The following CSMD1 variants were observed in gnomAD, a reference collection of about 807,000 sequenced individuals.
CSMD1 encodes CUB and sushi domain-containing protein 1.
Under a neutral mutation model 417.5 loss-of-function variants are expected in CSMD1, and 213 were observed. The observed-to-expected ratio is 0.51, with a 90% CI of 0.46 to 0.57. The LOEUF (loss-of-function observed/expected upper bound fraction) is 0.57, where lower values mean the gene tolerates loss of function less well. Among genes scored for constraint, CSMD1 ranks in the 20% least tolerant of loss-of-function variants. The probability of loss-of-function intolerance (pLI) is 0.00; values close to 1 mark genes in which losing one functional copy is unlikely to be tolerated. For synonymous variants in CSMD1, 2,862 were observed against 1,736.8 expected (o/e 1.65, Z -16.11); for missense variants, 6,923 against 4,529.7 (o/e 1.53, Z -15.17).
intron 1 of CSMD1, among the ~76,000 whole-genome samples, chr8:4,936,254 G>C (rs759767791): frequency 6.6e-6 from 1 of 152,166 alleles, no homozygotes; most frequent in Non-Finnish European, 1.5e-5. Context: ...TATATCATCA[G>C]ATAACAGATG....
At chr8:4,674,109 T>C (rs1371878857) in intron 1 of CSMD1, among the ~76,000 whole-genome samples, 2 of 152,154 alleles carry the variant, frequency 1.3e-5, no homozygotes, top group East Asian at 1.9e-4. Context: ...ATAAACCAGA[T>C]TCAAACATTG....
chr8:3,194,410 A>G (rs1311581462), intron 33 of CSMD1, among the ~76,000 whole-genome samples: 1 of 51,858 alleles, frequency 1.9e-5, no homozygotes, highest in African/African-American at 8.2e-5. Flanking sequence ...CTGATTAACT[A>G]TTTTATTTTA....
chr8:3,353,560 C>A (rs1476793385), intron 21 of CSMD1, among the ~76,000 whole-genome samples: 1 of 152,150 alleles, frequency 6.6e-6, no homozygotes, highest in African/African-American at 2.4e-5. Context: ...GGGGCAGTAT[C>A]CCGTAGGACG....
intron 3 of CSMD1, among the ~76,000 whole-genome samples, chr8:4,393,085 C>G (rs191793672): frequency 6.6e-6 from 1 of 152,248 alleles, no homozygotes. Flanking sequence ...AAGCGATTCT[C>G]GTGCCTCAAT....
intron 3 of CSMD1, among the ~76,000 whole-genome samples, chr8:4,199,780 T>C (rs963102659): frequency 2.6e-5 from 4 of 152,152 alleles, no homozygotes; most frequent in South Asian, 2.1e-4. Context: ...AAGGATAACA[T>C]GCTGTTTAGA....
intron 5 of CSMD1, among the ~76,000 whole-genome samples, chr8:3,884,873 T>G (rs1394165122): frequency 6.6e-6 from 1 of 150,820 alleles, no homozygotes; most frequent in Non-Finnish European, 1.5e-5. Context: ...AGAATTTTGC[T>G]ACCATAAAAA....
At chr8:4,040,469 G>C (rs929474608) in intron 3 of CSMD1, among the ~76,000 whole-genome samples, 8 of 152,176 alleles carry the variant, frequency 5.3e-5, no homozygotes, top group Non-Finnish European at 7.3e-5. Context: ...GATGGATTCA[G>C]AATCTCTACT....
intron 5 of CSMD1, among the ~76,000 whole-genome samples, chr8:3,987,298 C>A (rs375471002): frequency 6.6e-6 from 1 of 152,178 alleles, no homozygotes; most frequent in African/African-American, 2.4e-5. Flanking sequence ...TCTGTGATGA[C>A]CTCACTGAGC....
chr8:3,677,060 C>T (rs1009276614), intron 7 of CSMD1, among the ~76,000 whole-genome samples: 1 of 151,908 alleles, frequency 6.6e-6, no homozygotes, highest in African/African-American at 2.4e-5. Flanking sequence ...GCATACGGGG[C>T]TTAAAAACTA....
At chr8:3,221,969 C>T (rs73183597) in intron 28 of CSMD1, among the ~76,000 whole-genome samples, 1 of 152,014 alleles carries the variant, frequency 6.6e-6, no homozygotes, top group Non-Finnish European at 1.5e-5. Context: ...CTCATCAGCG[C>T]CAGCCTCCTG....
At chr8:4,439,325 A>T (rs1210319650) in intron 2 of CSMD1, among the ~76,000 whole-genome samples, 2 of 152,166 alleles carry the variant, frequency 1.3e-5, no homozygotes, top group African/African-American at 2.4e-5. Flanking sequence ...TCAATACGTT[A>T]AATATAATTA....
chr8:4,185,413 A>C (rs1476588159), intron 3 of CSMD1, among the ~76,000 whole-genome samples: 1 of 152,136 alleles, frequency 6.6e-6, no homozygotes, highest in Non-Finnish European at 1.5e-5. Flanking sequence ...CTAAGCAATA[A>C]ACATACACGT....
chr8:4,711,660 G>A (rs557088150), intron 1 of CSMD1, among the ~76,000 whole-genome samples: 1 of 58,390 alleles, frequency 1.7e-5, no homozygotes, highest in Non-Finnish European at 2.9e-5. Flanking sequence ...CTTCTTTACT[G>A]TAGGTAAATT....
At chr8:3,319,740 G>C (rs939152968) in intron 23 of CSMD1, among the ~76,000 whole-genome samples, 5 of 151,984 alleles carry the variant, frequency 3.3e-5, no homozygotes, top group African/African-American at 1.2e-4. Flanking sequence ...AAAAGTGTCA[G>C]AAGAACATTA....
chr8:4,624,678 A>C (rs2061749), intron 2 of CSMD1, among the ~76,000 whole-genome samples: 1 of 151,972 alleles, frequency 6.6e-6, no homozygotes, highest in African/African-American at 2.4e-5. Context: ...TTTACACGGG[A>C]TATAATTCTC....
intron 5 of CSMD1, among the ~76,000 whole-genome samples, chr8:3,907,544 G>C (rs1808191642): frequency 6.6e-6 from 1 of 152,122 alleles, no homozygotes; most frequent in African/African-American, 2.4e-5. Flanking sequence ...TTATTTTTAA[G>C]GAATGGCCCA....
chr8:4,204,890 T>A (rs1023508633), intron 3 of CSMD1, among the ~76,000 whole-genome samples: 3 of 152,230 alleles, frequency 2.0e-5, no homozygotes, highest in Admixed American at 6.5e-5. Flanking sequence ...TGAACTCCTG[T>A]CCTCAAAGAT....
chr8:3,992,279 T>A (rs1434594216), intron 5 of CSMD1, among the ~76,000 whole-genome samples: 1 of 152,272 alleles, frequency 6.6e-6, no homozygotes, highest in African/African-American at 2.4e-5. Flanking sequence ...CCAGCATAAC[T>A]TGACCCTTTT....
intron 1 of CSMD1, among the ~76,000 whole-genome samples, chr8:4,723,919 C>T (rs1199780211): frequency 1.3e-5 from 2 of 152,004 alleles, no homozygotes; most frequent in African/African-American, 2.4e-5. Flanking sequence ...ATACAGATCT[C>T]TTCAAAACAT....
Sources: allele counts gnomAD v4.1 joint callset (sites outside exome capture counted in the v4.1 genomes callset), GRCh38; gene constraint gnomAD v4.1.1; transcripts MANE v1.5; gene names NCBI Gene and HGNC (gene_info 2026-07-23, HGNC 2026-07-21).